The following ELMO1 variants were observed in gnomAD, a reference collection of about 807,000 sequenced individuals.
The protein encoded by ELMO1 is engulfment and cell motility protein 1.
Under a neutral mutation model 98.9 loss-of-function variants are expected in ELMO1, and 26 were observed. That is an observed-to-expected ratio of 0.26 (90% CI 0.19 to 0.36). The LOEUF (loss-of-function observed/expected upper bound fraction) is 0.36, where lower values mean the gene tolerates loss of function less well. ELMO1 is among the 10% of genes least tolerant of loss of function. The pLI is 1.00. For missense variants in ELMO1, 627 were observed against 935.2 expected, an observed-to-expected ratio of 0.67 and a Z score of 4.30; for synonymous variants, 346 against 346.0, an observed-to-expected ratio of 1.00 and a Z score of 0.00.
intron 16 of ELMO1, among the ~76,000 whole-genome samples, chr7:36,962,512 T>A (rs888245466): frequency 6.6e-6 from 1 of 152,020 alleles, no homozygotes; most frequent in Non-Finnish European, 1.5e-5. Context: ...AGATGAATGA[T>A]GTGGGAAGAA....
intron 1 of ELMO1, among the ~76,000 whole-genome samples, chr7:37,347,163 A>C (rs1456114082): frequency 6.6e-6 from 1 of 152,254 alleles, no homozygotes; most frequent in East Asian, 1.9e-4. Context: ...TTTTATCCTC[A>C]GAAGTCCAGA....
intron 13 of ELMO1, among the ~76,000 whole-genome samples, chr7:37,205,485 G>A (rs993772152): frequency 6.6e-6 from 1 of 152,096 alleles, no homozygotes; most frequent in Admixed American, 6.6e-5. Flanking sequence ...ATATATTTTC[G>A]TATTTTTTCT....
At chr7:37,181,134 G>A in intron 13 of ELMO1, among the ~76,000 whole-genome samples, 1 of 152,158 alleles carries the variant, frequency 6.6e-6, no homozygotes, top group Non-Finnish European at 1.5e-5. Flanking sequence ...AGTCCCAAGA[G>A]ACTCTCCATA....
At chr7:37,169,448 C>T (rs1359356403) in intron 13 of ELMO1, among the ~76,000 whole-genome samples, 1 of 152,188 alleles carries the variant, frequency 6.6e-6, no homozygotes, top group East Asian at 1.9e-4. Flanking sequence ...ACGCTGGGAG[C>T]TGTAGACCAG....
At chr7:36,858,471 G>A (rs903510414) in intron 21 of ELMO1, among the ~76,000 whole-genome samples, 9 of 152,104 alleles carry the variant, frequency 5.9e-5, no homozygotes, top group Admixed American at 2.0e-4. Context: ...TGCAGATTGC[G>A]GTGGGAAAAA....
intron 4 of ELMO1, among the ~76,000 whole-genome samples, chr7:37,284,386 G>A (rs1797286935): frequency 6.6e-6 from 1 of 152,182 alleles, no homozygotes; most frequent in African/African-American, 2.4e-5. Flanking sequence ...AGCAGTGAAT[G>A]AGATGGGAAG....
chr7:37,088,320 T>C (rs1783892113), intron 15 of ELMO1, among the ~76,000 whole-genome samples: 1 of 152,218 alleles, frequency 6.6e-6, no homozygotes, highest in Non-Finnish European at 1.5e-5. Flanking sequence ...ATTTCAGAAG[T>C]ATCTCCAAGT....
At chr7:36,868,350 T>TC (rs1376383755) in intron 20 of ELMO1, among the ~76,000 whole-genome samples, 31 of 100,220 alleles carry the variant, frequency 3.1e-4, no homozygotes, top group African/African-American at 5.1e-4. Context: ...TTCTTCTTCT[T>TC]TTTTTTTTTT....
At chr7:37,147,337 C>G (rs781010479) in intron 13 of ELMO1, among the ~76,000 whole-genome samples, 4 of 152,118 alleles carry the variant, frequency 2.6e-5, no homozygotes, top group Non-Finnish European at 4.4e-5. Flanking sequence ...TTTGCCTGGC[C>G]TCCTTAACAC....
At chr7:37,307,708 A>T (rs928455632) in intron 4 of ELMO1, among the ~76,000 whole-genome samples, 1 of 152,242 alleles carries the variant, frequency 6.6e-6, no homozygotes, top group Admixed American at 6.5e-5. Context: ...AGGAGATAAT[A>T]GATAGTAAGC....
At chr7:37,224,795 A>G (rs1222877359) in intron 9 of ELMO1, 84 bp downstream of exon 9, 18 of 1,543,342 alleles carry the variant, frequency 1.2e-5, no homozygotes, top group Middle Eastern at 4.8e-4. Flanking sequence ...ACCAAACTAT[A>G]ACAACATAAA....
intron 4 of ELMO1, among the ~76,000 whole-genome samples, chr7:37,279,497 C>T (rs1220783330): frequency 6.6e-6 from 1 of 152,144 alleles, no homozygotes; most frequent in African/African-American, 2.4e-5. Context: ...CGGGAGACAC[C>T]CCAAATACTG....
At chr7:37,373,773 CA>C (rs145175989) in intron 1 of ELMO1, among the ~76,000 whole-genome samples, 1,573 of 152,324 alleles carry the variant, frequency 0.01, 12 homozygotes, top group Admixed American at 0.019. Context: ...AATGGAAGCT[CA>C]AAATATAAAC....
At chr7:37,436,263 T>C (rs758649901) in intron 1 of ELMO1, among the ~76,000 whole-genome samples, 9 of 152,206 alleles carry the variant, frequency 5.9e-5, no homozygotes, top group Non-Finnish European at 8.8e-5. Flanking sequence ...CCAATCCTGA[T>C]ATATAGAAAA....
At chr7:37,357,903 C>G (rs1247767037) in intron 1 of ELMO1, among the ~76,000 whole-genome samples, 15 of 152,180 alleles carry the variant, frequency 9.9e-5, no homozygotes, top group African/African-American at 3.6e-4. Context: ...TGTTCCTGCT[C>G]AAATGCATAG....
intron 19 of ELMO1, among the ~76,000 whole-genome samples, chr7:36,875,046 C>A (rs11770746): frequency 0.55 from 83,906 of 152,084 alleles, 24,321 homozygotes; most frequent in Non-Finnish European, 0.65. Flanking sequence ...GCACAAGACA[C>A]TCTCTGCCTT....
intron 16 of ELMO1, among the ~76,000 whole-genome samples, chr7:36,969,112 G>T (rs1425161132): frequency 4.6e-5 from 7 of 152,042 alleles, no homozygotes. Flanking sequence ...TACTCTCAGT[G>T]GAGGGTATCA....
chr7:37,275,558 G>C (rs1207712646), intron 4 of ELMO1, among the ~76,000 whole-genome samples: 14 of 152,194 alleles, frequency 9.2e-5, no homozygotes, highest in Non-Finnish European at 1.8e-4. Flanking sequence ...ACAATGCACT[G>C]TTAGAGGTGA....
intron 4 of ELMO1, among the ~76,000 whole-genome samples, chr7:37,276,050 C>A (rs964332134): frequency 2.0e-5 from 3 of 152,110 alleles, no homozygotes; most frequent in African/African-American, 7.2e-5. Flanking sequence ...ATGGGGCCAC[C>A]CAGACTGGAC....
Sources: gnomAD v4.1 joint callset for allele counts (sites outside exome capture counted in the v4.1 genomes callset) on GRCh38, gnomAD v4.1.1 for gene constraint, MANE v1.5 for transcripts, NCBI Gene and HGNC (gene_info 2026-07-23, HGNC 2026-07-21) for gene names.